NFATC2: variants seen among roughly 807,000 people sequenced by gnomAD.
The protein encoded by NFATC2 is nuclear factor of activated T cells 2.
NFATC2 carries 22 observed loss-of-function variants against 87.3 expected under a neutral mutation model. The ratio of observed to expected loss-of-function variants is 0.25; its 90% CI spans 0.18 to 0.36. The LOEUF (loss-of-function observed/expected upper bound fraction) is 0.36, where lower values mean the gene tolerates loss of function less well. Ranked by LOEUF, NFATC2 falls within the 10% of genes least tolerant of loss-of-function variation. NFATC2 has a pLI of 1.00. For missense variants in NFATC2, 1,149 were observed against 1,259.1 expected (o/e 0.91, Z 1.32); for synonymous variants, 565 against 542.2 (o/e 1.04, Z -0.58).
At chr20:51,562,814 G>A, upstream of NFATC2, 1 of 559,154 alleles carries the variant, frequency 1.8e-6, no homozygotes, top group Non-Finnish European at 3.2e-6. This position sits in a 1 kb window ranked among gnomAD's most constrained non-coding sequence, Gnocchi z 5.8. Context: ...GCGGCTCCGC[G>A]ATCCGGCTTA....
At chr20:51,422,075 G>C (rs1981009276) in intron 9 of NFATC2, among the ~76,000 whole-genome samples, 1 of 152,190 alleles carries the variant, frequency 6.6e-6, no homozygotes, top group Non-Finnish European at 1.5e-5. Flanking sequence ...TAACAACGAG[G>C]GAGTGTCCTT....
chr20:51,399,678 T>TTCATC (rs1459402591), intron 9 of NFATC2, among the ~76,000 whole-genome samples: 1 of 152,166 alleles, frequency 6.6e-6, no homozygotes, highest in Non-Finnish European at 1.5e-5. Flanking sequence ...AAAGAAGCAC[T>TTCATC]TCATCTCTCC....
upstream of NFATC2, among the ~76,000 whole-genome samples, chr20:51,547,495 A>G (rs541983622): frequency 2.6e-4 from 40 of 152,212 alleles, no homozygotes; most frequent in Non-Finnish European, 5.4e-4. Context: ...CCCTGGAGTT[A>G]CCCACCACCT....
At chr20:51,396,712 A>G (rs1433541801) in intron 10 of NFATC2, among the ~76,000 whole-genome samples, 7 of 152,146 alleles carry the variant, frequency 4.6e-5, no homozygotes, top group Non-Finnish European at 8.8e-5. Context: ...CCCAGTCACT[A>G]CTGACTATTT....
chr20:51,437,701 G>A (rs1039276517), intron 6 of NFATC2, among the ~76,000 whole-genome samples: 13 of 152,178 alleles, frequency 8.5e-5, no homozygotes, highest in Non-Finnish European at 1.3e-4. Flanking sequence ...ACCTTACAGC[G>A]CAATTCCTGA....
intron 9 of NFATC2, among the ~76,000 whole-genome samples, chr20:51,422,599 A>C (rs1271010137): frequency 2.6e-5 from 4 of 151,120 alleles, no homozygotes; most frequent in Admixed American, 6.6e-5. Context: ...AAAGGGTGGA[A>C]ACTAAAGGAA....
intron 2 of NFATC2, among the ~76,000 whole-genome samples, chr20:51,517,619 C>A (rs1330273381): frequency 4.0e-5 from 6 of 150,860 alleles, no homozygotes; most frequent in African/African-American, 7.3e-5. Context: ...CAAAACAAAA[C>A]CAAAAAACAA....
At chr20:51,449,037 G>A (rs1416094961) in intron 6 of NFATC2, among the ~76,000 whole-genome samples, 1 of 152,062 alleles carries the variant, frequency 6.6e-6, no homozygotes, top group African/African-American at 2.4e-5. Flanking sequence ...TTCCATTTTA[G>A]TCGACAGCTA....
rs150589717 is a variant in NFATC2 at position 51,492,730 on chromosome 20, G to A, written c.1333-17070C>T. ...CCGGGGCTCCATGCCAGGCGACTTG[G>A]AAGAGGTTTAAGGCTCACGCCACAC... On this transcript the variant is annotated intron_variant, in intron 3 of 10. Coordinates refer to ENST00000371564, the MANE Select transcript of NFATC2 (RefSeq NM_012340.5). Among the ~76,000 whole-genome samples, 769 of 152,336 alleles carry A rather than the reference G, an allele frequency of 5.0e-3. 4 individuals carry two copies. The highest frequency in any genetic ancestry group is 0.017 in the African/African-American group (720 of 41,576).
At chr20:51,486,210 C>CAAA (rs1295285431) in intron 3 of NFATC2, among the ~76,000 whole-genome samples, 1 of 146,064 alleles carries the variant, frequency 6.8e-6, no homozygotes, top group African/African-American at 2.5e-5. Flanking sequence ...GACACTGCCT[C>CAAA]AAACAAAAAA....
At chr20:51,553,136 A>G (rs2076947919) in intron 1 of NFATC2, among the ~76,000 whole-genome samples, 1 of 151,810 alleles carries the variant, frequency 6.6e-6, no homozygotes, top group Admixed American at 6.6e-5. Flanking sequence ...CGTATGGACC[A>G]ATCGGCTGGA....
At chr20:51,511,463 T>A (rs1361997806) in intron 3 of NFATC2, among the ~76,000 whole-genome samples, 1 of 152,236 alleles carries the variant, frequency 6.6e-6, no homozygotes, top group Non-Finnish European at 1.5e-5. Flanking sequence ...GCTTCTGAGC[T>A]CCAAGCTCAT....
intron 1 of NFATC2, among the ~76,000 whole-genome samples, chr20:51,525,038 G>A (rs915806790): frequency 6.6e-6 from 1 of 151,980 alleles, no homozygotes; most frequent in African/African-American, 2.4e-5. Flanking sequence ...CGGCCAACAT[G>A]GTGAAACCCC....
intron 9 of NFATC2, among the ~76,000 whole-genome samples, chr20:51,408,740 A>T (rs916244740): frequency 1.3e-5 from 2 of 152,192 alleles, no homozygotes; most frequent in African/African-American, 4.8e-5. Flanking sequence ...GAAGTTTGGA[A>T]GACACTATAG....
intron 8 of NFATC2, among the ~76,000 whole-genome samples, chr20:51,434,067 T>G (rs762214613): frequency 2.7e-4 from 41 of 152,226 alleles, no homozygotes; most frequent in Admixed American, 1.3e-4. Flanking sequence ...CCCAGCAATC[T>G]CCCACAGTTT....
At chr20:51,463,247 A>G (rs1987335383) in intron 5 of NFATC2, among the ~76,000 whole-genome samples, 1 of 152,126 alleles carries the variant, frequency 6.6e-6, no homozygotes, top group Non-Finnish European at 1.5e-5. Flanking sequence ...GGGGAACCAA[A>G]ATCTCCCCTA....
chr20:51,500,461 C>T (rs573839947), intron 3 of NFATC2, among the ~76,000 whole-genome samples: 1 of 151,966 alleles, frequency 6.6e-6, no homozygotes, highest in South Asian at 2.1e-4. Flanking sequence ...TTGGGTGATA[C>T]CTATTACTCT....
intron 3 of NFATC2, among the ~76,000 whole-genome samples, chr20:51,486,535 A>G (rs1208160071): frequency 6.6e-6 from 1 of 151,000 alleles, no homozygotes; most frequent in Non-Finnish European, 1.5e-5. Flanking sequence ...CTTCCTGTTT[A>G]TTTCCTTCCT....
chr20:51,498,744 G>C (rs2076030871), intron 3 of NFATC2, among the ~76,000 whole-genome samples: 1 of 152,226 alleles, frequency 6.6e-6, no homozygotes, highest in Non-Finnish European at 1.5e-5. Flanking sequence ...CCAAGATTGA[G>C]CCACTGCATT....
Sources: allele counts gnomAD v4.1 joint callset (sites outside exome capture counted in the v4.1 genomes callset), GRCh38; gene constraint gnomAD v4.1.1; non-coding constraint Gnocchi (gnomAD v3.1); transcripts MANE v1.5; gene names NCBI Gene and HGNC (gene_info 2026-07-23, HGNC 2026-07-21).